The following PHKB variants were observed in gnomAD, a reference collection of about 807,000 sequenced individuals.
PHKB encodes phosphorylase b kinase regulatory subunit beta.
A neutral mutation model predicts 152.1 loss-of-function variants in PHKB; 122 were observed. That is an observed-to-expected ratio of 0.80 (90% CI 0.69 to 0.93). The LOEUF (loss-of-function observed/expected upper bound fraction) is 0.93. Ranked by LOEUF, PHKB falls within the 40% of genes least tolerant of loss-of-function variation. The pLI is 0.00. For missense variants in PHKB, 1,304 were observed against 1,328.4 expected (o/e 0.98, Z 0.29); for synonymous variants, 436 against 464.9 (o/e 0.94, Z 0.80).
intron 13 of PHKB, among the ~76,000 whole-genome samples, chr16:47,601,726 C>G (rs1972231073): frequency 6.6e-6 from 1 of 151,496 alleles, no homozygotes; most frequent in African/African-American, 2.4e-5. Context: ...AAACTGACTT[C>G]TAGACTTCAG....
At chr16:47,559,709 C>T (rs1002879937) in intron 7 of PHKB, among the ~76,000 whole-genome samples, 1 of 152,166 alleles carries the variant, frequency 6.6e-6, no homozygotes, top group African/African-American at 2.4e-5. Context: ...GAGCTGTTTT[C>T]CTGTCTATGA....
At chr16:47,572,994 G>C (rs1448924154) in intron 7 of PHKB, among the ~76,000 whole-genome samples, 1 of 152,122 alleles carries the variant, frequency 6.6e-6, no homozygotes, top group Non-Finnish European at 1.5e-5. Context: ...CTAAGCTGTA[G>C]GAGTGGGCAC....
intron 8 of PHKB, among the ~76,000 whole-genome samples, chr16:47,583,968 T>G (rs1174407883): frequency 6.6e-6 from 1 of 152,168 alleles, no homozygotes; most frequent in African/African-American, 2.4e-5. Context: ...TACGGGCAGT[T>G]GTTGGGTGGT....
At chr16:47,556,069 G>A (rs1364480222) in intron 7 of PHKB, among the ~76,000 whole-genome samples, 1 of 152,012 alleles carries the variant, frequency 6.6e-6, no homozygotes, top group African/African-American at 2.4e-5. Context: ...TGATTTGGCT[G>A]TTTGTCTGTT....
In PHKB at chr16:47,665,342, A is replaced by C. The variant is rs1214164270; in HGVS notation, c.2427+367A>C. On this transcript the variant is annotated intron_variant, in intron 25 of 30. Coordinates refer to ENST00000323584, the MANE Select transcript of PHKB (RefSeq NM_000293.3). ...CATGTGCTGTACTTTAAAAAAAAAAAATCTGTTCTCCCTAGGTTCTAAGAC... is the reference window on the plus strand; with the variant it reads ...CATGTGCTGTACTTTAAAAAAAAAACATCTGTTCTCCCTAGGTTCTAAGAC... 3.3e-5 allele frequency: 8 copies of C among 238,876 alleles called. No homozygotes were observed. The East Asian group carries it at 9.1e-4, about 27-fold the overall frequency. The allele number at this position is 238,876 out of a possible 1,614,324, so 14.8% of individuals were successfully genotyped here.
At chr16:47,559,962 T>G (rs566228098) in intron 7 of PHKB, among the ~76,000 whole-genome samples, 3 of 152,240 alleles carry the variant, frequency 2.0e-5, no homozygotes, top group Admixed American at 6.5e-5. Flanking sequence ...CTGCTGCCAT[T>G]AGTGTGCTAA....
intron 26 of PHKB, among the ~76,000 whole-genome samples, chr16:47,688,212 T>A (rs2142101159): frequency 6.6e-6 from 1 of 152,310 alleles, no homozygotes; most frequent in East Asian, 1.9e-4. Context: ...AGCATAGGAA[T>A]CTGCTGTGTG....
intron 6 of PHKB, among the ~76,000 whole-genome samples, chr16:47,539,684 C>T (rs145096227): frequency 1.7e-3 from 262 of 152,166 alleles, no homozygotes; most frequent in Middle Eastern, 6.8e-3. Flanking sequence ...GGACCCCGAA[C>T]GGAGGGACTG....
At chr16:47,521,918 T>A (rs1440244342) in intron 6 of PHKB, among the ~76,000 whole-genome samples, 1 of 152,216 alleles carries the variant, frequency 6.6e-6, no homozygotes, top group East Asian at 1.9e-4. Context: ...TCTTACTTGG[T>A]CATGATGTAT....
intron 1 of PHKB, among the ~76,000 whole-genome samples, chr16:47,478,714 TGTTA>T (rs1471672124): frequency 6.6e-5 from 10 of 152,230 alleles, no homozygotes; most frequent in South Asian, 4.1e-4. Context: ...GCTCTGATAT[TGTTA>T]GTTCTTATTA....
chr16:47,691,006 G>A (rs1327477318), intron 27 of PHKB, among the ~76,000 whole-genome samples: 1 of 152,098 alleles, frequency 6.6e-6, no homozygotes, highest in Non-Finnish European at 1.5e-5. Context: ...CGTCCTTTGA[G>A]TCCACGAGTT....
At chr16:47,666,106 T>A in intron 25 of PHKB, 1 of 1,043,218 alleles carries the variant, frequency 9.6e-7, no homozygotes, top group Non-Finnish European at 1.5e-6. Context: ...TAATTTTAAG[T>A]CTGGCAAACC....
chr16:47,568,837 T>C (rs545816563), intron 7 of PHKB, among the ~76,000 whole-genome samples: 10 of 152,166 alleles, frequency 6.6e-5, no homozygotes, highest in Non-Finnish European at 1.5e-4. Flanking sequence ...GTTTTGAGAG[T>C]TCCCCTTAGA....
intron 14 of PHKB, among the ~76,000 whole-genome samples, chr16:47,612,367 T>C (rs530980117): frequency 1.3e-5 from 2 of 152,356 alleles, no homozygotes; most frequent in Admixed American, 1.3e-4. Flanking sequence ...TTCATAGGCA[T>C]ATGGCTAACA....
chr16:47,659,267 A>G (rs1220877413), intron 20 of PHKB, among the ~76,000 whole-genome samples: 1 of 152,254 alleles, frequency 6.6e-6, no homozygotes, highest in Non-Finnish European at 1.5e-5. Flanking sequence ...AGTTTCCGCT[A>G]GAGGAGAAGG....
Position 47,599,739 on chromosome 16 carries a change from T to C in PHKB, c.1363+3208T>C, listed in dbSNP as rs74738884. Among the ~76,000 whole-genome samples, 700 of 152,320 alleles carry C rather than the reference T, an allele frequency of 4.6e-3. 4 individuals carry two copies. The highest frequency in any genetic ancestry group is 0.016 in the African/African-American group (676 of 41,584). On this transcript the variant is annotated intron_variant, in intron 13 of 30. Coordinates refer to ENST00000323584, the MANE Select transcript of PHKB (RefSeq NM_000293.3). ...AACATGAAGAAGGTATTTTGCATAC[T>C]ATGAAACCACATACATATCTCCAGC...
intron 6 of PHKB, among the ~76,000 whole-genome samples, chr16:47,542,476 A>C (rs962036227): frequency 1.1e-4 from 16 of 152,064 alleles, no homozygotes; most frequent in African/African-American, 3.6e-4. Context: ...TTCTCTTGGC[A>C]ATGCGGGATC....
chr16:47,664,657 T>A, intron 24 of PHKB: 1 of 546,660 alleles, frequency 1.8e-6, no homozygotes, highest in Non-Finnish European at 3.3e-6. Flanking sequence ...ATCAAGCCAA[T>A]AAGTGATAGT....
Position 47,636,958 on chromosome 16 carries a change from G to C in PHKB, c.1459-4077G>C, listed in dbSNP as rs189715829. Among the ~76,000 whole-genome samples, 52 of 152,250 alleles carry C rather than the reference G, an allele frequency of 3.4e-4. 1 individual carries two copies. The highest frequency in any genetic ancestry group is 2.8e-3 in the Admixed American group (43 of 15,296). On this transcript the variant is annotated intron_variant, in intron 14 of 30. Coordinates refer to ENST00000323584, the MANE Select transcript of PHKB (RefSeq NM_000293.3). ...GCCCACCCATGGCCGCCCATGGACC[G>C]ATCAGCATGCGCTTCCTCCCTTCTG...
Sources: allele counts gnomAD v4.1 joint callset (sites outside exome capture counted in the v4.1 genomes callset), GRCh38; gene constraint gnomAD v4.1.1; transcripts MANE v1.5; gene names NCBI Gene and HGNC (gene_info 2026-07-23, HGNC 2026-07-21).